Variants in ZNF438 observed in about 807,000 individuals in gnomAD.
The protein encoded by ZNF438 is zinc finger protein 438.
ZNF438 carries 25 observed loss-of-function variants against 38.0 expected under a neutral mutation model. The observed-to-expected ratio is 0.66, with a 90% CI of 0.48 to 0.92. The LOEUF is 0.92. ZNF438 is among the 40% of genes least tolerant of loss of function. ZNF438 has a pLI of 0.00. For synonymous variants in ZNF438, 372 were observed against 364.1 expected, an observed-to-expected ratio of 1.02 and a Z score of -0.25; for missense variants, 1,007 against 999.6, an observed-to-expected ratio of 1.01 and a Z score of -0.10.
At chr10:31,000,611 A>G (rs1445369192) in intron 1 of ZNF438, among the ~76,000 whole-genome samples, 1 of 152,148 alleles carries the variant, frequency 6.6e-6, no homozygotes, top group Non-Finnish European at 1.5e-5. Flanking sequence ...TCATTCCTGT[A>G]GCCCACTGTT....
chr10:30,887,416 A>C (rs772309824), intron 3 of ZNF438, among the ~76,000 whole-genome samples: 30 of 152,056 alleles, frequency 2.0e-4, no homozygotes, highest in Non-Finnish European at 3.7e-4. Flanking sequence ...ACTGTTGCCC[A>C]GGCTGGAGTG....
At chr10:30,927,275 T>C (rs1564657219) in intron 2 of ZNF438, among the ~76,000 whole-genome samples, 1 of 152,190 alleles carries the variant, frequency 6.6e-6, no homozygotes, top group African/African-American at 2.4e-5. Flanking sequence ...TTTGACTGTT[T>C]GACCCTTAAA....
intron 2 of ZNF438, among the ~76,000 whole-genome samples, chr10:30,935,494 A>T (rs2046148325): frequency 6.6e-6 from 1 of 152,138 alleles, no homozygotes; most frequent in African/African-American, 2.4e-5. Context: ...TCTTGGTGGA[A>T]ACGAACAGAG....
exon 5 of ZNF438, chr10:30,848,605 G>C: frequency 6.2e-7 from 1 of 1,614,014 alleles, no homozygotes; most frequent in Non-Finnish European, 8.5e-7. Flanking sequence ...GCAGTTCACT[G>C]GGCGCAGGCT....
intron 3 of ZNF438, among the ~76,000 whole-genome samples, chr10:30,899,778 A>G (rs1026759458): frequency 1.3e-5 from 2 of 152,172 alleles, no homozygotes; most frequent in African/African-American, 4.8e-5. Flanking sequence ...ACAATCTACT[A>G]GAGTTTAATT....
intron 1 of ZNF438, among the ~76,000 whole-genome samples, chr10:31,029,053 T>C (rs1351378488): frequency 6.6e-6 from 1 of 152,234 alleles, no homozygotes; most frequent in African/African-American, 2.4e-5. Context: ...TTCACAGGCA[T>C]GCATACTCAA....
exon 5 of ZNF438, chr10:30,849,394 A>G: frequency 6.2e-7 from 1 of 1,614,244 alleles, no homozygotes; most frequent in Non-Finnish European, 8.5e-7. Context: ...TGGTGGCTGC[A>G]TTAAAGCCTT....
At chr10:30,875,527 AAT>A in intron 4 of ZNF438, 1 of 985,440 alleles carries the variant, frequency 1.0e-6, no homozygotes, top group Non-Finnish European at 1.2e-6. Flanking sequence ...AAAAAAAGGT[AAT>A]ACCAGCTAGG....
intron 4 of ZNF438, among the ~76,000 whole-genome samples, chr10:30,868,837 T>A (rs2036906366): frequency 6.6e-6 from 1 of 152,218 alleles, no homozygotes; most frequent in Admixed American, 6.5e-5. Flanking sequence ...AAGTGTTGTG[T>A]CCCACAGTGA....
intron 1 of ZNF438, among the ~76,000 whole-genome samples, chr10:30,995,592 C>G (rs1589641112): frequency 6.6e-6 from 1 of 152,276 alleles, no homozygotes; most frequent in Admixed American, 6.5e-5. Flanking sequence ...AAATTACGTA[C>G]ATTATTGCAA....
chr10:31,019,791 AT>A, intron 1 of ZNF438, among the ~76,000 whole-genome samples: 1 of 152,282 alleles, frequency 6.6e-6, no homozygotes, highest in East Asian at 1.9e-4. Context: ...CTAAAAATTT[AT>A]TTGTTGCTTA....
chr10:30,868,891 G>T (rs1471399013), intron 4 of ZNF438, among the ~76,000 whole-genome samples: 3 of 152,168 alleles, frequency 2.0e-5, no homozygotes, highest in Non-Finnish European at 4.4e-5. Flanking sequence ...AATGCTATTT[G>T]CACCTGCATT....
chr10:30,903,805 A>G (rs1049133044), intron 3 of ZNF438, among the ~76,000 whole-genome samples: 3 of 152,162 alleles, frequency 2.0e-5, no homozygotes, highest in African/African-American at 7.2e-5. Flanking sequence ...CAAATCAGGA[A>G]CTGTATTTTT....
intron 1 of ZNF438, among the ~76,000 whole-genome samples, chr10:31,028,051 T>C (rs1301797467): frequency 6.6e-6 from 1 of 152,098 alleles, no homozygotes; most frequent in African/African-American, 2.4e-5. Context: ...TGTATTTTTC[T>C]AGTCTCCATG....
chr10:30,962,612 A>C lies in ZNF438; in HGVS notation c.-191-20961T>G, dbSNP rs566332795. ...TGCTCCCACTTTTCCTAAAATTAGC[A>C]AACCACCAAAACCTTTAATCACGGA... On this transcript the variant is annotated intron_variant, in intron 1 of 5. Transcript: ENST00000413025. Among the ~76,000 whole-genome samples, 43 of 147,636 alleles carry C rather than the reference A, an allele frequency of 2.9e-4. 2 individuals carry two copies. The highest frequency in any genetic ancestry group is 8.9e-4 in the Admixed American group (13 of 14,684).
chr10:30,949,468 G>T (rs576561374), intron 1 of ZNF438, among the ~76,000 whole-genome samples: 1 of 152,190 alleles, frequency 6.6e-6, no homozygotes, highest in East Asian at 1.9e-4. Flanking sequence ...ATTGGACAAA[G>T]GGTCAAGACC....
chr10:30,965,129 A>AT (rs1471891816), intron 1 of ZNF438, among the ~76,000 whole-genome samples: 1 of 152,244 alleles, frequency 6.6e-6, no homozygotes, highest in African/African-American at 2.4e-5. Context: ...GGCAAAGGAC[A>AT]TAAACAAACA....
chr10:30,917,069 A>G (rs1351912841), intron 2 of ZNF438, among the ~76,000 whole-genome samples: 1 of 152,084 alleles, frequency 6.6e-6, no homozygotes, highest in East Asian at 1.9e-4. Context: ...AAATGCATAT[A>G]CCTTGTAACC....
rs546132410 is a variant in ZNF438 at position 30,968,434 on chromosome 10, C to CTT, written c.-191-26785_-191-26784dup. 9.5e-4 allele frequency among the ~76,000 whole-genome samples: 98 copies of CTT among 103,650 alleles called. 1 individual carries two copies. The highest frequency in any genetic ancestry group is 1.1e-3 in the Non-Finnish European group (57 of 51,898). 68.0% of individuals were successfully genotyped at this position (103,650 alleles called of 152,430 possible). A position where few individuals can be genotyped will look rare whatever the true frequency, so the allele number is the denominator to read the frequency against. ...CTTAGAGAATTTAACTGAATGTAAA[C>CTT]TTTTTTTTTTTTTTTTTTTTTTTTT... On this transcript the variant is annotated intron_variant, in intron 1 of 5. Transcript: ENST00000413025.
Sources: gnomAD v4.1 joint callset for allele counts (sites outside exome capture counted in the v4.1 genomes callset) on GRCh38, gnomAD v4.1.1 for gene constraint, MANE v1.5 for transcripts, NCBI Gene and HGNC (gene_info 2026-07-23, HGNC 2026-07-21) for gene names.